ADARB1: variants seen among roughly 807,000 people sequenced by gnomAD.
The protein encoded by ADARB1 is adenosine deaminase RNA specific B1.
In ADARB1, 10 loss-of-function variants were observed where a neutral mutation model predicts 52.4. That is an observed-to-expected ratio of 0.19 (90% CI 0.12 to 0.32). The LOEUF is 0.32. Among genes scored for constraint, ADARB1 ranks in the 10% least tolerant of loss-of-function variants. The pLI, the probability that ADARB1 is intolerant of heterozygous loss-of-function variation, is 1.00. For missense variants in ADARB1, 643 were observed against 922.3 expected, an observed-to-expected ratio of 0.70 and a Z score of 3.92; for synonymous variants, 349 against 371.1, an observed-to-expected ratio of 0.94 and a Z score of 0.68.
chr21:45,185,747 A>T (rs1045995277), intron 8 of ADARB1, among the ~76,000 whole-genome samples: 1 of 152,196 alleles, frequency 6.6e-6, no homozygotes, highest in Non-Finnish European at 1.5e-5. Flanking sequence ...ACTAATGTTT[A>T]TTTGGAAAAA....
At chr21:45,169,109 A>G (rs762301462) in intron 2 of ADARB1, among the ~76,000 whole-genome samples, 15 of 152,178 alleles carry the variant, frequency 9.9e-5, no homozygotes, top group Non-Finnish European at 2.1e-4. Context: ...AGCACCGGCT[A>G]GCGTCGTTTC....
Position 45,221,040 on chromosome 21 carries a change from C to T in ADARB1, c.1926+26C>T, listed in dbSNP as rs1180276292. On this transcript the variant is annotated intron_variant, in intron 10 of 10. Coordinates refer to ENST00000348831, the MANE Select transcript of ADARB1 (RefSeq NM_001112.4). This position sits in a 1 kb window ranked among gnomAD's most constrained non-coding sequence, Gnocchi z 4.9. The stretch of plus-strand genomic sequence containing the variant: ...GTACTGAGGCGCCCTCACCGCAATG[C>T]GCCGGCTCCACCTCCCCAATAGCTT... The T allele has an allele frequency of 3.8e-6, 6 of 1,580,994 alleles. No individual in the cohort carries two copies. Among genetic ancestry groups the T allele is most frequent in the East Asian group, 2.3e-5 (1 of 43,706 alleles).
intron 1 of ADARB1, among the ~76,000 whole-genome samples, chr21:45,120,495 C>T (rs2088110552): frequency 6.6e-6 from 1 of 152,192 alleles, no homozygotes; most frequent in Non-Finnish European, 1.5e-5. Flanking sequence ...GGCACTCGCT[C>T]AGGATCCTCA....
intron 2 of ADARB1, among the ~76,000 whole-genome samples, chr21:45,155,416 A>G (rs1203730578): frequency 2.0e-5 from 3 of 152,144 alleles, no homozygotes; most frequent in Non-Finnish European, 2.9e-5. Flanking sequence ...CCTTACAAAG[A>G]GAGCAACCCT....
intron 1 of ADARB1, among the ~76,000 whole-genome samples, chr21:45,118,228 A>G (rs982316523): frequency 5.9e-5 from 9 of 152,226 alleles, no homozygotes; most frequent in African/African-American, 2.2e-4. Context: ...CGCTGTTTCT[A>G]GCTGCCTCAG....
At chr21:45,189,917 A>C (rs921354819) in intron 8 of ADARB1, among the ~76,000 whole-genome samples, 1 of 152,084 alleles carries the variant, frequency 6.6e-6, no homozygotes, top group African/African-American at 2.4e-5. Flanking sequence ...AATGTGTCTT[A>C]GTGTGGTTCT....
intron 2 of ADARB1, among the ~76,000 whole-genome samples, chr21:45,168,102 G>A (rs1382043262): frequency 2.6e-5 from 4 of 152,056 alleles, no homozygotes; most frequent in Admixed American, 6.5e-5. Context: ...CTAGTGACTC[G>A]TGATCCTGAG....
At chr21:45,126,801 A>C (rs1488619338) in intron 1 of ADARB1, among the ~76,000 whole-genome samples, 1 of 152,118 alleles carries the variant, frequency 6.6e-6, no homozygotes, top group East Asian at 1.9e-4. Flanking sequence ...GCAGCTTCCA[A>C]AACCCACTCT....
chr21:45,175,955 A>G lies in ADARB1; in HGVS notation c.254A>G (p.Gln85Arg). The change falls in exon 4 of 11, where the codon CAG becomes CGG. Residue 85 changes from glutamine to arginine, a missense_variant. Physicochemically the swap from Gln to Arg is conservative, Grantham distance 43. Coordinates refer to ENST00000348831, the MANE Select transcript of ADARB1 (RefSeq NM_001112.4). ...GPVLPKNALM[Q>R]LNEIKPGLQY... is the part of the protein sequence containing the mutation. ...GTCCTCCCCAAGAACGCCCTGATGC[A>G]GCTGAATGAGATCAAGCCTGGTTTG... 6.2e-7 allele frequency: 1 copy of G among 1,611,586 alleles called. No homozygotes were observed.
At chr21:45,077,017 C>T (rs947241889) in intron 1 of ADARB1, among the ~76,000 whole-genome samples, 26 of 152,232 alleles carry the variant, frequency 1.7e-4, no homozygotes, top group African/African-American at 6.3e-4. Context: ...GCACTTGGTT[C>T]AAAGGCTGCA....
chr21:45,095,460 C>T (rs1381137949), intron 1 of ADARB1, among the ~76,000 whole-genome samples: 1 of 152,230 alleles, frequency 6.6e-6, no homozygotes, highest in Non-Finnish European at 1.5e-5. Context: ...GTTAGCTCTT[C>T]CCCCAGTGGT....
rs2085981202 is a variant in ADARB1, at chr21:45,077,399, C to G, written c.-220+2606C>G. On this transcript the variant is annotated intron_variant, in intron 1 of 10. Transcript: ENST00000348831. The stretch of plus-strand genomic sequence containing the variant: ...ACTCAATGGTGGCCGGGCGCGGTGG[C>G]TCACGCCTGTAATCCCAGCACTTTG... 1.3e-5 allele frequency among the ~76,000 whole-genome samples: 2 copies of G among 152,202 alleles called. 1 individual carries two copies. The highest frequency in any genetic ancestry group is 4.1e-4 in the South Asian group (2 of 4,834).
chr21:45,203,342 A>G, intron 8 of ADARB1, among the ~76,000 whole-genome samples: 1 of 152,054 alleles, frequency 6.6e-6, no homozygotes, highest in Middle Eastern at 3.2e-3. Context: ...CTTCAAGTAC[A>G]TACACCCCTT....
Position 45,172,746 on chromosome 21 carries a change from G to A in ADARB1, c.28+1062G>A, listed in dbSNP as rs550989240. Among the ~76,000 whole-genome samples, 2 of 152,308 alleles carry A rather than the reference G, an allele frequency of 1.3e-5. No individual in the cohort carries two copies. The highest frequency in any genetic ancestry group is 2.1e-4 in the South Asian group (1 of 4,826). ...GGGTGTGAGGGTGAGACCACCTCCT[G>A]CAGTGCTACCCAGGAACCACGGGAC... On this transcript the variant is annotated intron_variant, in intron 3 of 10. Coordinates refer to ENST00000348831, the MANE Select transcript of ADARB1 (RefSeq NM_001112.4). The surrounding 1 kb of genome is among the most constrained non-coding windows in gnomAD (Gnocchi z 4.4).
At position 45,225,534 on chromosome 21, in the gene ADARB1, TA is replaced by T; in HGVS notation, c.*3339del. 7.5e-7 allele frequency: 1 copy of T among 1,334,800 alleles called. No homozygotes were observed. Among genetic ancestry groups the T allele is most frequent in the Non-Finnish European group, 9.7e-7 (1 of 1,031,126 alleles). 82.7% of individuals were successfully genotyped at this position (1,334,800 alleles called of 1,614,324 possible). On this transcript the variant is annotated 3_prime_UTR_variant, in exon 11 of 11. Coordinates refer to ENST00000348831, the MANE Select transcript of ADARB1 (RefSeq NM_001112.4). The stretch of plus-strand genomic sequence containing the variant: ...TTTGTGAAGACAGTGTCTCTCCTTG[TA>T]ATCTCACACAGGTACACTGAGGAGG...
At position 45,176,055 on chromosome 21, in the gene ADARB1, G is replaced by C; in HGVS notation, c.354G>C (p.Gln118His). ...TCATGTCTGTGGAGGTGAATGGCCA[G>C]GTTTTTGAGGGCTCTGGTCCCACAA... is the stretch of plus-strand genomic sequence containing the variant. ...LFVMSVEVNG[Q>H]VFEGSGPTKK... The change falls in exon 4 of 11, where the codon CAG (glutamine) becomes CAC (histidine). Residue 118 changes from glutamine (Q) to histidine (H), a missense_variant. By Grantham distance (24) the Gln-to-His change is conservative. Transcript: ENST00000348831. The surrounding 1 kb of genome is among the most constrained non-coding windows in gnomAD (Gnocchi z 5.8). 1 of 1,614,192 alleles carries C rather than the reference G, an allele frequency of 6.2e-7. No homozygotes were observed. Among genetic ancestry groups the C allele is most frequent in the Non-Finnish European group, 8.5e-7 (1 of 1,180,024 alleles).
chr21:45,162,902 A>G (rs997079536), intron 2 of ADARB1, among the ~76,000 whole-genome samples: 2 of 152,008 alleles, frequency 1.3e-5, no homozygotes, highest in African/African-American at 4.8e-5. Context: ...CTTCAGACCC[A>G]GATGTGAATC....
chr21:45,221,932 G>A lies in ADARB1; in HGVS notation c.1927-86G>A. 4 of 1,449,638 alleles carry A rather than the reference G, an allele frequency of 2.8e-6. No homozygotes were observed. The highest frequency in any genetic ancestry group is 3.8e-6 in the Non-Finnish European group (4 of 1,057,968). The allele number at this position is 1,449,638 out of a possible 1,614,324, so 89.8% of individuals were successfully genotyped here. A position where few individuals can be genotyped will look rare whatever the true frequency, so the allele number is the denominator to read the frequency against. On this transcript the variant is annotated intron_variant, in intron 10 of 10. Transcript: ENST00000348831. This position sits in a 1 kb window ranked among gnomAD's most constrained non-coding sequence, Gnocchi z 4.9. Reference sequence around the variant, plus strand: ...TCCCCCCAGAAGCCAATGCAGTTCTGAAGGCCATGTTTTGGTATCTTATTA... The same window carrying A: ...TCCCCCCAGAAGCCAATGCAGTTCTAAAGGCCATGTTTTGGTATCTTATTA...
chr21:45,109,203 GTT>G (rs1171754985), intron 1 of ADARB1, among the ~76,000 whole-genome samples: 2 of 117,850 alleles, frequency 1.7e-5, no homozygotes, highest in Admixed American at 8.3e-5. Context: ...GTGCACGTGT[GTT>G]TGCGCGCGTG....
Sources: gnomAD v4.1 joint callset for allele counts (sites outside exome capture counted in the v4.1 genomes callset) on GRCh38, gnomAD v4.1.1 for gene constraint, Gnocchi (gnomAD v3.1) non-coding constraint, MANE v1.5 for transcripts, NCBI Gene and HGNC (gene_info 2026-07-23, HGNC 2026-07-21) for gene names.